Variants in FOXO3 observed in about 807,000 individuals in gnomAD.
The protein encoded by FOXO3 is forkhead box protein O3.
Under a neutral mutation model 41.9 loss-of-function variants are expected in FOXO3, and 4 were observed. The ratio of observed to expected loss-of-function variants is 0.10; its 90% CI spans 0.05 to 0.22. The LOEUF is 0.22. Ranked by LOEUF, FOXO3 falls within the 10% of genes least tolerant of loss-of-function variation. The pLI is 1.00. For missense variants in FOXO3, 534 were observed against 906.8 expected (o/e 0.59, Z 5.28); for synonymous variants, 318 against 389.3 (o/e 0.82, Z 2.16).
chr6:108,575,398 GAAAA>G (rs1015743487), intron 1 of FOXO3, among the ~76,000 whole-genome samples: 29 of 139,648 alleles, frequency 2.1e-4, no homozygotes, highest in African/African-American at 7.7e-4. Flanking sequence ...AAAAAGAAAA[GAAAA>G]AAAAACCTCG....
chr6:108,646,106 C>T (rs1469377310), intron 1 of FOXO3, among the ~76,000 whole-genome samples: 1 of 152,158 alleles, frequency 6.6e-6, no homozygotes, highest in Non-Finnish European at 1.5e-5. Flanking sequence ...GGCTTTCATC[C>T]TCAGGGTCTC....
chr6:108,587,173 T>C (rs1359280438), intron 1 of FOXO3, among the ~76,000 whole-genome samples: 1 of 151,838 alleles, frequency 6.6e-6, no homozygotes, highest in Admixed American at 6.6e-5. Flanking sequence ...ACTGGTTCAG[T>C]TGGTATTTGG....
At chr6:108,652,037 T>C (rs1209414959) in intron 1 of FOXO3, among the ~76,000 whole-genome samples, 1 of 152,214 alleles carries the variant, frequency 6.6e-6, no homozygotes, top group African/African-American at 2.4e-5. Flanking sequence ...ATTTGCTTGA[T>C]GTTTCTGGCT....
chr6:108,561,457 C>T lies in FOXO3; in HGVS notation c.249C>T (p.Gly83=), dbSNP rs375042313. 58 of 1,533,210 alleles carry T rather than the reference C, an allele frequency of 3.8e-5. No homozygotes were observed. In the East Asian group the frequency reaches 1.0e-3, roughly 27 times the overall value. 95.0% of individuals were successfully genotyped at this position (1,533,210 alleles called of 1,614,324 possible). A position where few individuals can be genotyped will look rare whatever the true frequency, so the allele number is the denominator to read the frequency against. Reference sequence around the variant, plus strand: ...CGGCCATGGCGATCGGCGGCGGCGGCGGGAGCGGCACGCTGGGCTCCGGGC... The same window carrying T: ...CGGCCATGGCGATCGGCGGCGGCGGTGGGAGCGGCACGCTGGGCTCCGGGC... ...AGSAMAIGGG[G]GSGTLGSGLL... Residue 83 remains glycine (G), a synonymous_variant, in exon 1 of 3, where the codon GGC becomes GGT. Transcript: ENST00000406360.
intron 1 of FOXO3, among the ~76,000 whole-genome samples, chr6:108,610,199 A>G (rs1292098535): frequency 2.0e-5 from 3 of 152,098 alleles, no homozygotes; most frequent in Admixed American, 6.5e-5. Flanking sequence ...CTCACTGGAG[A>G]GCCCTTGATT....
At chr6:108,654,209 G>A (rs745977854) in intron 1 of FOXO3, among the ~76,000 whole-genome samples, 6 of 152,148 alleles carry the variant, frequency 3.9e-5, no homozygotes, top group Non-Finnish European at 8.8e-5. Flanking sequence ...TGTGCCGGAA[G>A]TGCAGGTTTG....
intron 1 of FOXO3, among the ~76,000 whole-genome samples, chr6:108,661,067 A>G (rs1778831841): frequency 6.6e-6 from 1 of 151,844 alleles, no homozygotes; most frequent in Non-Finnish European, 1.5e-5. Context: ...CTCAAATAAA[A>G]AAAAGAAAAT....
In FOXO3 at chr6:108,656,135, C is replaced by CAA. The variant is rs146161678; in HGVS notation, c.622-7310_622-7309dup. On this transcript the variant is annotated intron_variant, in intron 1 of 2. Coordinates refer to ENST00000406360, the MANE Select transcript of FOXO3 (RefSeq NM_001455.4). ...CCTCCCACCCCACCCCACCCCACCTCAAAAAAAAAAAGAGAGAGGAGGGGG... is the reference window on the plus strand; with the variant it reads ...CCTCCCACCCCACCCCACCCCACCTCAAAAAAAAAAAAAGAGAGAGGAGGGGG... Among the ~76,000 whole-genome samples, 464 of 110,606 alleles carry CAA rather than the reference C, an allele frequency of 4.2e-3. 21 individuals are homozygous for CAA. In the East Asian group the frequency reaches 0.1, roughly 25 times the overall value. The allele number at this position is 110,606 out of a possible 152,430, so 72.6% of individuals were successfully genotyped here. A position where few individuals can be genotyped will look rare whatever the true frequency, so the allele number is the denominator to read the frequency against.
Position 108,681,032 on chromosome 6 carries a change from T to C in FOXO3, c.*1240T>C, listed in dbSNP as rs1246199541. ...AATTGTACAAGTGACTCAATGGAAGTACAAAATAGGGCAGTTTTAACTTTT... is the reference window on the plus strand; with the variant it reads ...AATTGTACAAGTGACTCAATGGAAGCACAAAATAGGGCAGTTTTAACTTTT... On this transcript the variant is annotated 3_prime_UTR_variant, in exon 3 of 3. Transcript: ENST00000406360. The C allele has an allele frequency of 6.5e-6, 1 of 152,676 alleles. No individual in the cohort carries two copies. The highest frequency in any genetic ancestry group is 2.4e-5 in the African/African-American group (1 of 41,464). The allele number at this position is 152,676 out of a possible 1,614,324, so 9.5% of individuals were successfully genotyped here.
intron 1 of FOXO3, chr6:108,656,290 TC>T (rs1222017397): frequency 1.2e-6 from 1 of 839,340 alleles, no homozygotes; most frequent in Non-Finnish European, 1.4e-6. Context: ...ACATGTTGCT[TC>T]CAGACAAAAA....
At chr6:108,618,122 C>T (rs1777567453) in intron 1 of FOXO3, 3 of 832,532 alleles carry the variant, frequency 3.6e-6, no homozygotes. Flanking sequence ...TCTGATCTGC[C>T]TCATGGACAA....
chr6:108,560,830 A>C, upstream of FOXO3: 21 of 413,402 alleles, frequency 5.1e-5, no homozygotes, highest in East Asian at 1.6e-4. Flanking sequence ...CCCGGGAGGG[A>C]CCTGCGGCTG....
At chr6:108,562,498 A>C (rs537835119) in intron 1 of FOXO3, among the ~76,000 whole-genome samples, 1 of 152,198 alleles carries the variant, frequency 6.6e-6, no homozygotes, top group Admixed American at 6.5e-5. Context: ...TGCTTCTGAA[A>C]TGTTCTGGGG....
At chr6:108,563,383 T>C (rs1288697111) in intron 1 of FOXO3, among the ~76,000 whole-genome samples, 1 of 152,256 alleles carries the variant, frequency 6.6e-6, no homozygotes, top group African/African-American at 2.4e-5. Context: ...TGTAAAAGAA[T>C]GCCAGGTGTA....
intron 1 of FOXO3, among the ~76,000 whole-genome samples, chr6:108,609,468 G>A (rs1777298092): frequency 6.6e-6 from 1 of 152,156 alleles, no homozygotes; most frequent in Non-Finnish European, 1.5e-5. Flanking sequence ...TTGTAAAGCT[G>A]TGCTCTTGAT....
intron 1 of FOXO3, among the ~76,000 whole-genome samples, chr6:108,582,284 C>G (rs1410859549): frequency 6.6e-6 from 1 of 152,070 alleles, no homozygotes; most frequent in Non-Finnish European, 1.5e-5. Flanking sequence ...GGAAGCAGGC[C>G]CAGCAGGCTT....
intron 1 of FOXO3, among the ~76,000 whole-genome samples, chr6:108,649,178 C>T (rs1350649630): frequency 1.3e-5 from 2 of 152,200 alleles, no homozygotes; most frequent in East Asian, 3.9e-4. Context: ...CCGAATCCCA[C>T]AGGGGTGACA....
intron 1 of FOXO3, among the ~76,000 whole-genome samples, chr6:108,574,712 A>T (rs113968842): frequency 6.6e-6 from 1 of 152,196 alleles, no homozygotes; most frequent in Non-Finnish European, 1.5e-5. Flanking sequence ...TTTGTCTTCA[A>T]GGTAAAAATA....
rs10612637 is a variant in FOXO3 at position 108,649,008 on chromosome 6, TAAAAAA to T, written c.622-14427_622-14422del. ...GGTAACAGAGTGGGAACCTATCTCT[TAAAAAA>T]AAAAAAAAAAAAAAAAAAAGGACTA... On this transcript the variant is annotated intron_variant, in intron 1 of 2. Coordinates refer to ENST00000406360, the MANE Select transcript of FOXO3 (RefSeq NM_001455.4). Among the ~76,000 whole-genome samples the T allele has an allele frequency of 8.8e-5, 7 of 79,120 alleles. No individual in the cohort carries two copies. The East Asian group carries it at 2.7e-3, about 30-fold the overall frequency. 51.9% of individuals were successfully genotyped at this position (79,120 alleles called of 152,430 possible).
Sources: allele counts gnomAD v4.1 joint callset (sites outside exome capture counted in the v4.1 genomes callset), GRCh38; gene constraint gnomAD v4.1.1; transcripts MANE v1.5; gene names NCBI Gene and HGNC (gene_info 2026-07-23, HGNC 2026-07-21).